The following RHNO1 variants were observed in gnomAD, a reference collection of about 807,000 sequenced individuals.
The protein encoded by RHNO1 is RAD9-HUS1-RAD1 interacting nuclear orphan 1.
RHNO1 carries 9 observed loss-of-function variants against 7.2 expected under a neutral mutation model. The ratio of observed to expected loss-of-function variants is 1.25; its 90% CI spans 0.75 to 2.18. The LOEUF (loss-of-function observed/expected upper bound fraction) is 2.18. RHNO1 is among the 30% of genes most tolerant of loss of function. RHNO1 has a pLI of 0.00. For missense variants in RHNO1, 292 were observed against 284.5 expected (o/e 1.03, Z -0.19); for synonymous variants, 95 against 107.5 (o/e 0.88, Z 0.72).
Position 2,885,427 on chromosome 12 carries a change from C to A in RHNO1, c.61C>A (p.Gln21Lys). Residue 21 changes from glutamine (Q) to lysine (K), a missense_variant, in exon 2 of 3, where the codon CAA (glutamine) becomes AAA (lysine). Coordinates refer to ENST00000489288, the MANE Select transcript of RHNO1 (RefSeq NM_001252499.3). ...GAAAGCCCCGCTGCTGTTCCACCAA[C>A]AACCACTGGAGGGCCCCAAACACAG... ...SQKAPLLFHQ[Q>K]PLEGPKHSCA... The A allele has an allele frequency of 6.2e-7, 1 of 1,614,122 alleles. No homozygotes were observed. The highest frequency in any genetic ancestry group is 8.5e-7 in the Non-Finnish European group (1 of 1,180,024).
chr12:2,888,467 C>G lies in RHNO1; in HGVS notation c.*8C>G, dbSNP rs2098168330. On this transcript the variant is annotated 3_prime_UTR_variant, in exon 3 of 3. Coordinates refer to ENST00000489288, the MANE Select transcript of RHNO1 (RefSeq NM_001252499.3). ...TTCCTTGTGAAAAGCTGACTGCCAT[C>G]AGTAATCTCAATAGAAAAGAGATAT... 6.5e-7 allele frequency: 1 copy of G among 1,545,804 alleles called. No homozygotes were observed. The highest frequency in any genetic ancestry group is 1.2e-5 in the South Asian group (1 of 80,446).
intron 1 of RHNO1, among the ~76,000 whole-genome samples, chr12:2,884,652 C>T (rs1380352628): frequency 6.7e-6 from 1 of 148,370 alleles, no homozygotes. Flanking sequence ...CGTAAGCCCC[C>T]TCACCCAGCC....
intron 1 of RHNO1, 84 bp downstream of exon 1, chr12:2,877,366 T>C (rs1036852997): frequency 1.3e-5 from 2 of 151,884 alleles, no homozygotes; most frequent in African/African-American, 4.8e-5. Flanking sequence ...GCCGCGTGGG[T>C]GGGCGAGCCG....
chr12:2,884,970 G>C (rs1327348516), intron 1 of RHNO1, among the ~76,000 whole-genome samples: 1 of 152,136 alleles, frequency 6.6e-6, no homozygotes, highest in Non-Finnish European at 1.5e-5. Context: ...CCCTTTGCTA[G>C]ACTTTCAGCT....
Position 2,880,420 on chromosome 12 carries a change from C to A in RHNO1, c.-85+3138C>A, listed in dbSNP as rs563725159. Among the ~76,000 whole-genome samples, 21 of 152,010 alleles carry A rather than the reference C, an allele frequency of 1.4e-4. No homozygotes were observed. The South Asian group carries it at 4.1e-3, about 30-fold the overall frequency. ...TCACCTGAGGTCAGGAGTTCAAGACCAGTCTGGCCAACGTGGTGAAACCCC... is the reference window on the plus strand; with the variant it reads ...TCACCTGAGGTCAGGAGTTCAAGACAAGTCTGGCCAACGTGGTGAAACCCC... On this transcript the variant is annotated intron_variant, in intron 1 of 2. Coordinates refer to ENST00000489288, the MANE Select transcript of RHNO1 (RefSeq NM_001252499.3).
Position 2,885,394 on chromosome 12 carries a change from C to T in RHNO1, c.28C>T (p.Pro10Ser), listed in dbSNP as rs2098164068. Reference protein sequence around the residue: MPPRKKRRQPSQKAPLLFHQ... With the variant: MPPRKKRRQSSQKAPLLFHQ... ...GCCTCCCAGAAAAAAACGCCGCCAG[C>T]CTTCCCAGAAAGCCCCGCTGCTGTT... is the stretch of plus-strand genomic sequence containing the variant. The change falls in exon 2 of 3, where the codon CCT (proline) becomes TCT (serine). Residue 10 changes from proline (P) to serine (S), a missense_variant. Transcript: ENST00000489288. 2 of 1,613,478 alleles carry T rather than the reference C, an allele frequency of 1.2e-6. No homozygotes were observed. The highest frequency in any genetic ancestry group is 1.7e-6 in the Non-Finnish European group (2 of 1,179,868).
chr12:2,887,822 C>A, intron 2 of RHNO1, 89 bp from the exon 3 acceptor site: 5 of 1,083,100 alleles, frequency 4.6e-6, no homozygotes, highest in South Asian at 1.7e-5. Context: ...TACAGTAGAC[C>A]CCGATTTAAG....
At chr12:2,877,922 T>A (rs1195272965) in intron 1 of RHNO1, 1 of 152,318 alleles carries the variant, frequency 6.6e-6, no homozygotes, top group Non-Finnish European at 1.5e-5. Flanking sequence ...GGCTCACGCC[T>A]GTAATCCCAG....
intron 2 of RHNO1, chr12:2,887,173 ACT>A: frequency 3.6e-6 from 1 of 277,204 alleles, no homozygotes; most frequent in South Asian, 3.4e-5. Flanking sequence ...TGAAACTCTG[ACT>A]CTATTAAAAA....
intron 2 of RHNO1, chr12:2,887,207 G>A (rs60730405): frequency 1.0e-3 from 286 of 272,660 alleles, no homozygotes; most frequent in African/African-American, 5.3e-3. Flanking sequence ...GCTGGGTGCC[G>A]TGACTCATGC....
rs148638048 is a variant in RHNO1, at chr12:2,886,887, G to A, written c.169-1024G>A. 3.7e-3 allele frequency: 1,629 copies of A among 443,372 alleles called. 6 individuals carry two copies. The highest frequency in any genetic ancestry group is 5.5e-3 in the Non-Finnish European group (1,202 of 216,694). 27.5% of individuals were successfully genotyped at this position (443,372 alleles called of 1,614,324 possible). A position where few individuals can be genotyped will look rare whatever the true frequency, so the allele number is the denominator to read the frequency against. On this transcript the variant is annotated intron_variant, in intron 2 of 2. Transcript: ENST00000489288. The stretch of plus-strand genomic sequence containing the variant: ...ATGAGAGTAGGAATGAACATTTATT[G>A]AATATTCATTATATGCCAGGTCCTC...
chr12:2,883,579 G>A (rs1471510725), intron 1 of RHNO1, among the ~76,000 whole-genome samples: 2 of 136,324 alleles, frequency 1.5e-5, no homozygotes, highest in South Asian at 2.3e-4. Flanking sequence ...GTGCAATGGC[G>A]TGATCTCTGC....
At chr12:2,884,276 C>T (rs559416934) in intron 1 of RHNO1, among the ~76,000 whole-genome samples, 12 of 152,282 alleles carry the variant, frequency 7.9e-5, no homozygotes, top group African/African-American at 2.2e-4. Context: ...CTCTGCTGCC[C>T]AGGCTGGAGT....
chr12:2,876,829 CTGCT>C (rs2098145410), upstream of RHNO1: 1 of 152,960 alleles, frequency 6.5e-6, no homozygotes, highest in African/African-American at 2.4e-5. Context: ...CCGTGCCCTG[CTGCT>C]AGACGCCCTG....
chr12:2,887,543 G>T (rs2098167092), intron 2 of RHNO1, among the ~76,000 whole-genome samples: 1 of 152,034 alleles, frequency 6.6e-6, no homozygotes, highest in Admixed American at 6.6e-5. Context: ...CAGCTACTCG[G>T]GAAGCTGAAG....
chr12:2,883,072 A>AAAAAAAAAAAAAAC (rs2098160183), intron 1 of RHNO1, among the ~76,000 whole-genome samples: 1 of 65,154 alleles, frequency 1.5e-5, no homozygotes, highest in African/African-American at 6.8e-5. Context: ...GTCTCAAAAA[A>AAAAAAAAAAAAAAC]AAAAAAAAAA....
chr12:2,885,571 T>G, intron 2 of RHNO1, 37 bp downstream of exon 2: 1 of 1,248,046 alleles, frequency 8.0e-7, no homozygotes, highest in Non-Finnish European at 1.1e-6. Flanking sequence ...ATTTTTTTTT[T>G]TTTTTTTTTT....
chr12:2,882,198 TTGGG>T (rs2098158697), intron 1 of RHNO1, among the ~76,000 whole-genome samples: 1 of 151,380 alleles, frequency 6.6e-6, no homozygotes, highest in Non-Finnish European at 1.5e-5. Flanking sequence ...TCCCAACACT[TTGGG>T]TGGGCGAGGC....
Position 2,887,923 on chromosome 12 carries a change from T to A in RHNO1, c.181T>A (p.Phe61Ile). 1.3e-6 allele frequency: 2 copies of A among 1,588,936 alleles called. No homozygotes were observed. Among genetic ancestry groups the A allele is most frequent in the Non-Finnish European group, 1.7e-6 (2 of 1,169,924 alleles). Residue 61 changes from phenylalanine (F) to isoleucine (I), a missense_variant, in exon 3 of 3, where the codon TTT (phenylalanine) becomes ATT (isoleucine). Physicochemically the swap from Phe to Ile is conservative, Grantham distance 21 (BLOSUM62 0). Transcript: ENST00000489288. ...STITSWVSPD[F>I]DTAAGSLFPA... The stretch of plus-strand genomic sequence containing the variant: ...TTTTTTTTTTAAGGTATCACCTGAT[T>A]TTGATACAGCAGCAGGAAGCTTGTT...
Sources: gnomAD v4.1 joint callset for allele counts (sites outside exome capture counted in the v4.1 genomes callset) on GRCh38, gnomAD v4.1.1 for gene constraint, MANE v1.5 for transcripts, NCBI Gene and HGNC (gene_info 2026-07-23, HGNC 2026-07-21) for gene names.